RAB3GAP1: variants seen among roughly 807,000 people sequenced by gnomAD.
The protein encoded by RAB3GAP1 is RAB3 GTPase activating protein catalytic subunit 1.
A neutral mutation model predicts 130.7 loss-of-function variants in RAB3GAP1; 86 were observed. The observed-to-expected ratio is 0.66, with a 90% CI of 0.55 to 0.79. RAB3GAP1 has a LOEUF of 0.79. Among genes scored for constraint, RAB3GAP1 ranks in the 30% least tolerant of loss-of-function variants. The pLI, the probability that RAB3GAP1 is intolerant of heterozygous loss-of-function variation, is 0.00. For synonymous variants in RAB3GAP1, 367 were observed against 401.7 expected, an observed-to-expected ratio of 0.91 and a Z score of 1.03; for missense variants, 1,029 against 1,169.4, an observed-to-expected ratio of 0.88 and a Z score of 1.75.
At chr2:135,125,869 A>G (rs1691334496) in intron 9 of RAB3GAP1, among the ~76,000 whole-genome samples, 1 of 152,214 alleles carries the variant, frequency 6.6e-6, no homozygotes, top group African/African-American at 2.4e-5. Flanking sequence ...ATAAGGAGGA[A>G]CTAATGTACT....
chr2:135,075,621 A>C (rs893429311), intron 3 of RAB3GAP1, among the ~76,000 whole-genome samples: 5 of 143,456 alleles, frequency 3.5e-5, no homozygotes, highest in Admixed American at 7.0e-5. Context: ...ATTGTTCTAC[A>C]TACTCTTGCA....
At chr2:135,126,718 A>G (rs752716267) in intron 11 of RAB3GAP1, 62 bp downstream of exon 11, 6 of 1,325,224 alleles carry the variant, frequency 4.5e-6, no homozygotes, top group Non-Finnish European at 6.5e-6. Context: ...CAAATCGGAG[A>G]CACTGCATAC....
intron 19 of RAB3GAP1, among the ~76,000 whole-genome samples, chr2:135,160,269 CAG>C (rs756119119): frequency 3.4e-4 from 52 of 152,140 alleles, no homozygotes; most frequent in Admixed American, 3.9e-4. Context: ...TTATAAAAGA[CAG>C]AGTGAAAAGC....
chr2:135,104,179 G>A (rs1008957838), intron 5 of RAB3GAP1, among the ~76,000 whole-genome samples: 3 of 152,176 alleles, frequency 2.0e-5, no homozygotes, highest in African/African-American at 7.2e-5. Flanking sequence ...TAAAGCAATG[G>A]AATAGAGATA....
At chr2:135,165,320 CCTA>C (rs1318140379) in intron 23 of RAB3GAP1, among the ~76,000 whole-genome samples, 1 of 152,100 alleles carries the variant, frequency 6.6e-6, no homozygotes, top group African/African-American at 2.4e-5. Flanking sequence ...GCTCTGGCAT[CCTA>C]CAGATAATTC....
intron 2 of RAB3GAP1, among the ~76,000 whole-genome samples, chr2:135,057,453 G>A (rs533235587): frequency 2.6e-5 from 4 of 152,184 alleles, no homozygotes; most frequent in African/African-American, 7.2e-5. Flanking sequence ...CCAGGCTGGC[G>A]TGCAGTGGCG....
intron 23 of RAB3GAP1, among the ~76,000 whole-genome samples, chr2:135,164,913 C>T (rs1692589635): frequency 6.6e-6 from 1 of 152,068 alleles, no homozygotes; most frequent in South Asian, 2.1e-4. Context: ...ATTCTAGGAC[C>T]TAAATTTTAA....
At chr2:135,158,723 T>C (rs182851912) in intron 19 of RAB3GAP1, among the ~76,000 whole-genome samples, 63 of 152,310 alleles carry the variant, frequency 4.1e-4, no homozygotes, top group African/African-American at 1.5e-3. Flanking sequence ...TTTTAAGTGT[T>C]TCTCTATAGA....
chr2:135,065,355 G>A (rs1226251170), intron 3 of RAB3GAP1, among the ~76,000 whole-genome samples: 7 of 152,194 alleles, frequency 4.6e-5, no homozygotes, highest in Non-Finnish European at 1.0e-4. Flanking sequence ...AGTTAGGTAC[G>A]TGTGTACTTG....
intron 5 of RAB3GAP1, among the ~76,000 whole-genome samples, chr2:135,095,451 C>T (rs759363053): frequency 6.6e-6 from 1 of 152,136 alleles, no homozygotes; most frequent in Non-Finnish European, 1.5e-5. Context: ...AGTCTCATGA[C>T]AAGCATGGAA....
chr2:135,117,507 TCTTCTGCTTCTTCTGCTTCTTCTG>T (rs1691022392), intron 7 of RAB3GAP1, among the ~76,000 whole-genome samples: 1 of 137,388 alleles, frequency 7.3e-6, no homozygotes, highest in African/African-American at 2.9e-5. Flanking sequence ...TTCTTCTTCT[TCTTCTGCTTCTTCTGCTTCTTCTG>T]CTTCTTCTTC....
intron 3 of RAB3GAP1, among the ~76,000 whole-genome samples, chr2:135,090,307 A>T (rs1690107866): frequency 6.6e-6 from 1 of 152,194 alleles, no homozygotes; most frequent in South Asian, 2.1e-4. Context: ...TAACTCACAG[A>T]TTAATTGCTT....
chr2:135,139,639 T>C (rs1391956914), intron 17 of RAB3GAP1, among the ~76,000 whole-genome samples: 1 of 151,982 alleles, frequency 6.6e-6, no homozygotes, highest in Non-Finnish European at 1.5e-5. Context: ...ACTTCCCAGA[T>C]CAAGATACAG....
chr2:135,082,165 A>AATGAATG (rs1558767033), intron 3 of RAB3GAP1, among the ~76,000 whole-genome samples: 3 of 102,722 alleles, frequency 2.9e-5, no homozygotes, highest in South Asian at 3.6e-4. Flanking sequence ...ATGAATGAAT[A>AATGAATG]AATAAATAAA....
At chr2:135,071,500 T>G (rs28672834) in intron 3 of RAB3GAP1, among the ~76,000 whole-genome samples, 5,577 of 150,518 alleles carry the variant, frequency 0.037, 307 homozygotes, top group African/African-American at 0.13. Flanking sequence ...GTGTTGCAGG[T>G]AGTAAAATAA....
chr2:135,125,499 T>C (rs913876097), intron 9 of RAB3GAP1, among the ~76,000 whole-genome samples: 4 of 152,184 alleles, frequency 2.6e-5, no homozygotes, highest in Non-Finnish European at 5.9e-5. Flanking sequence ...AGTAAGAGAT[T>C]GACAATAATA....
intron 3 of RAB3GAP1, among the ~76,000 whole-genome samples, chr2:135,086,882 C>T (rs1265764066): frequency 4.0e-5 from 6 of 151,864 alleles, no homozygotes; most frequent in Non-Finnish European, 8.8e-5. Context: ...AAGCTGGTCT[C>T]GAACTTCTGA....
chr2:135,144,901 T>C (rs955699305), intron 17 of RAB3GAP1, among the ~76,000 whole-genome samples: 2 of 152,230 alleles, frequency 1.3e-5, no homozygotes, highest in East Asian at 1.9e-4. Flanking sequence ...TAATTTGCCA[T>C]TGCACACAAG....
intron 5 of RAB3GAP1, among the ~76,000 whole-genome samples, chr2:135,099,115 C>A (rs1690381005): frequency 6.6e-6 from 1 of 151,656 alleles, no homozygotes; most frequent in Non-Finnish European, 1.5e-5. Flanking sequence ...AGTTGCTTAT[C>A]TCAGGGGGAC....
Sources: allele counts gnomAD v4.1 joint callset (sites outside exome capture counted in the v4.1 genomes callset), GRCh38; gene constraint gnomAD v4.1.1; transcripts MANE v1.5; gene names NCBI Gene and HGNC (gene_info 2026-07-23, HGNC 2026-07-21).